The following FAT3 variants were observed in gnomAD, a reference collection of about 807,000 sequenced individuals.
FAT3 encodes protocadherin Fat 3.
Under a neutral mutation model 310.2 loss-of-function variants are expected in FAT3, and 95 were observed. That is an observed-to-expected ratio of 0.31 (90% confidence interval 0.26 to 0.36). The LOEUF is 0.36. Ranked by LOEUF, FAT3 falls within the 10% of genes least tolerant of loss-of-function variation. The pLI is 1.00. For missense variants in FAT3, 5,408 were observed against 5,715.6 expected (o/e 0.95, Z 1.74); for synonymous variants, 2,314 against 2,192.9 (o/e 1.06, Z -1.54).
At chr11:92,506,877 A>T (rs1234915649) in intron 2 of FAT3, among the ~76,000 whole-genome samples, 1 of 152,222 alleles carries the variant, frequency 6.6e-6, no homozygotes, top group Admixed American at 6.5e-5. Context: ...TTAAAGAACT[A>T]GTCTATCTGC....
chr11:92,795,021 A>G (rs1234551529), intron 9 of FAT3, among the ~76,000 whole-genome samples: 1 of 152,184 alleles, frequency 6.6e-6, no homozygotes, highest in Admixed American at 6.5e-5. Flanking sequence ...CACTCTGTTT[A>G]TTGGTGGGCT....
Position 92,524,703 on chromosome 11 carries a change from C to T in FAT3, c.3362C>T (p.Thr1121Ile). The change falls in exon 3 of 28, where the codon ACA becomes ATA. Residue 1121 changes from threonine (T) to isoleucine (I), a missense_variant. Transcript: ENST00000525166. ...TCATACTGGCTAACAGTGTATGCCA[C>T]AGACAGGGGCGTTGTTCCACTCTAC... is the stretch of plus-strand genomic sequence containing the variant. The part of the protein sequence containing the change: ...MGSYWLTVYA[T>I]DRGVVPLYST... 6.2e-7 allele frequency: 1 copy of T among 1,613,824 alleles called. No homozygotes were observed. Among genetic ancestry groups the T allele is most frequent in the Non-Finnish European group, 8.5e-7 (1 of 1,179,822 alleles).
At chr11:92,769,532 A>G (rs1396308006) in intron 6 of FAT3, among the ~76,000 whole-genome samples, 1 of 152,190 alleles carries the variant, frequency 6.6e-6, no homozygotes, top group Non-Finnish European at 1.5e-5. Context: ...TCAATAGAGA[A>G]GGCCACCTTT....
At chr11:92,382,583 A>G (rs890434419) in intron 2 of FAT3, among the ~76,000 whole-genome samples, 1 of 152,130 alleles carries the variant, frequency 6.6e-6, no homozygotes, top group Non-Finnish European at 1.5e-5. Flanking sequence ...ACTTGGCTTT[A>G]ATCCTTCTGC....
At chr11:92,320,779 A>G (rs1039164456) in intron 1 of FAT3, among the ~76,000 whole-genome samples, 2 of 151,800 alleles carry the variant, frequency 1.3e-5, no homozygotes, top group South Asian at 2.1e-4. Context: ...CTGAGGCAGG[A>G]GAATCACTTG....
chr11:92,295,281 G>T (rs1946820727), intron 1 of FAT3, among the ~76,000 whole-genome samples: 1 of 152,080 alleles, frequency 6.6e-6, no homozygotes, highest in Admixed American at 6.6e-5. Context: ...CCATAGACTT[G>T]GTTCACAGAG....
At chr11:92,866,690 A>G in intron 21 of FAT3, 51 bp from the exon 22 acceptor site, 1 of 1,531,176 alleles carries the variant, frequency 6.5e-7, no homozygotes, top group Non-Finnish European at 8.8e-7. Context: ...TGTAGGGAAC[A>G]TATTCCCAGT....
Position 92,333,921 on chromosome 11 carries a change from A to G in FAT3, c.-17-18175A>G, listed in dbSNP as rs187901920. 5.1e-3 allele frequency among the ~76,000 whole-genome samples: 777 copies of G among 152,192 alleles called. 4 individuals are homozygous for G. Among genetic ancestry groups the G allele is most frequent in the Non-Finnish European group, 7.9e-3 (537 of 68,012 alleles). Reference sequence around the variant, plus strand: ...CCCCAACAAAAGCTAAAAGGGAGAAAAACTTTTGCATTTTCTCCTCAGTTT... The same window carrying G: ...CCCCAACAAAAGCTAAAAGGGAGAAGAACTTTTGCATTTTCTCCTCAGTTT... On this transcript the variant is annotated intron_variant, in intron 1 of 27. Coordinates refer to ENST00000525166, the MANE Select transcript of FAT3 (RefSeq NM_001367949.2).
Position 92,827,400 on chromosome 11 carries a change from T to C in FAT3, c.9482-4222T>C, listed in dbSNP as rs79860483. Among the ~76,000 whole-genome samples, 958 of 152,056 alleles carry C rather than the reference T, an allele frequency of 6.3e-3. 7 individuals are homozygous for C. Among genetic ancestry groups the C allele is most frequent in the African/African-American group, 0.022 (917 of 41,444 alleles). On this transcript the variant is annotated intron_variant, in intron 13 of 27. Coordinates refer to ENST00000525166, the MANE Select transcript of FAT3 (RefSeq NM_001367949.2). ...TCCCTTTATTTAACTTGGAAAGGAG[T>C]CATAGTGCTGGAAAATAATCTTAGA...
intron 13 of FAT3, among the ~76,000 whole-genome samples, chr11:92,821,201 C>T (rs1265801725): frequency 6.6e-6 from 1 of 152,134 alleles, no homozygotes; most frequent in African/African-American, 2.4e-5. Context: ...ATCCTGAGGT[C>T]CAGAGACAAA....
At chr11:92,579,814 G>A (rs1373166093) in intron 3 of FAT3, among the ~76,000 whole-genome samples, 1 of 152,012 alleles carries the variant, frequency 6.6e-6, no homozygotes, top group Non-Finnish European at 1.5e-5. Context: ...CCACACTGTA[G>A]CACCTTATGA....
At chr11:92,479,242 C>A (rs1037778614) in intron 2 of FAT3, among the ~76,000 whole-genome samples, 1 of 150,640 alleles carries the variant, frequency 6.6e-6, no homozygotes, top group Non-Finnish European at 1.5e-5. Context: ...AACTCCTGGG[C>A]CCAAGCATCC....
intron 1 of FAT3, among the ~76,000 whole-genome samples, chr11:92,345,319 G>T (rs1948384294): frequency 6.6e-6 from 1 of 152,098 alleles, no homozygotes; most frequent in Non-Finnish European, 1.5e-5. Context: ...TTTCTTCAAG[G>T]AGCTATGGTC....
intron 1 of FAT3, among the ~76,000 whole-genome samples, chr11:92,272,260 G>C (rs552566154): frequency 6.6e-6 from 1 of 152,202 alleles, no homozygotes; most frequent in Admixed American, 6.5e-5. Context: ...ACACCTGCAT[G>C]GAAAGCTCCA....
At chr11:92,651,403 G>A (rs1352779167) in intron 3 of FAT3, among the ~76,000 whole-genome samples, 2 of 152,168 alleles carry the variant, frequency 1.3e-5, no homozygotes, top group Admixed American at 6.5e-5. Context: ...TCAGCTTCAG[G>A]AATAGGCACA....
At chr11:92,737,337 A>T (rs1591665769) in intron 4 of FAT3, among the ~76,000 whole-genome samples, 1 of 152,096 alleles carries the variant, frequency 6.6e-6, no homozygotes, top group East Asian at 1.9e-4. Flanking sequence ...GTGGGTAGCC[A>T]TGGTACTTAA....
At chr11:92,282,008 C>T (rs553376465) in intron 1 of FAT3, among the ~76,000 whole-genome samples, 3 of 152,112 alleles carry the variant, frequency 2.0e-5, no homozygotes, top group African/African-American at 7.2e-5. Flanking sequence ...TGGGTTCCAG[C>T]GATTCTCCTG....
chr11:92,615,520 T>A (rs552058846), intron 3 of FAT3, among the ~76,000 whole-genome samples: 9 of 152,314 alleles, frequency 5.9e-5, no homozygotes, highest in African/African-American at 2.2e-4. Context: ...GTGCTGGGAT[T>A]ACAGGCGTAA....
At chr11:92,297,333 ATTAG>A (rs1050330334) in intron 1 of FAT3, among the ~76,000 whole-genome samples, 3 of 152,102 alleles carry the variant, frequency 2.0e-5, no homozygotes, top group Admixed American at 6.6e-5. Context: ...AAGGCCTTGT[ATTAG>A]TTAGTTTTAT....
Sources: gnomAD v4.1 joint callset for allele counts (sites outside exome capture counted in the v4.1 genomes callset) on GRCh38, gnomAD v4.1.1 for gene constraint, MANE v1.5 for transcripts, NCBI Gene and HGNC (gene_info 2026-07-23, HGNC 2026-07-21) for gene names.